Variants in EDIL3 observed in about 807,000 individuals in gnomAD.
The protein encoded by EDIL3 is EGF-like repeat and discoidin I-like domain-containing protein 3.
EDIL3 carries 37 observed loss-of-function variants against 67.4 expected under a neutral mutation model. That is an observed-to-expected ratio of 0.55 (90% confidence interval 0.42 to 0.72). The LOEUF (loss-of-function observed/expected upper bound fraction) is 0.72, where lower values mean the gene tolerates loss of function less well. EDIL3 is among the 30% of genes least tolerant of loss of function. The probability of loss-of-function intolerance (pLI) is 0.00; values close to 1 mark genes in which losing one functional copy is unlikely to be tolerated. For synonymous variants in EDIL3, 195 were observed against 196.3 expected (o/e 0.99, Z 0.05); for missense variants, 527 against 586.3 (o/e 0.90, Z 1.04).
chr5:84,301,891 T>C (rs889986611), intron 1 of EDIL3, among the ~76,000 whole-genome samples: 3 of 152,086 alleles, frequency 2.0e-5, no homozygotes, highest in African/African-American at 7.2e-5. Flanking sequence ...TTTTGCGTGA[T>C]TTTTTTTCCT....
intron 1 of EDIL3, among the ~76,000 whole-genome samples, chr5:84,256,483 C>G (rs993059333): frequency 6.6e-6 from 1 of 152,060 alleles, no homozygotes; most frequent in African/African-American, 2.4e-5. Context: ...ATATTCCAGG[C>G]AAAGGGAATA....
chr5:84,023,890 A>T (rs1282825021), intron 9 of EDIL3, among the ~76,000 whole-genome samples: 1 of 152,166 alleles, frequency 6.6e-6, no homozygotes, highest in East Asian at 1.9e-4. Flanking sequence ...AGTTCAAATG[A>T]CACAATAGCA....
chr5:84,327,441 T>A (rs1216957478), intron 1 of EDIL3, among the ~76,000 whole-genome samples: 1 of 152,006 alleles, frequency 6.6e-6, no homozygotes, highest in Non-Finnish European at 1.5e-5. Context: ...GACTCCATCT[T>A]TTTTGGTTTG....
chr5:84,212,038 T>C (rs1744130426), intron 3 of EDIL3, among the ~76,000 whole-genome samples: 1 of 152,180 alleles, frequency 6.6e-6, no homozygotes, highest in African/African-American at 2.4e-5. Flanking sequence ...CCTTCCTCTC[T>C]CTCTCTCCAC....
At chr5:83,960,453 G>A (rs1403900364) in intron 10 of EDIL3, among the ~76,000 whole-genome samples, 5 of 150,968 alleles carry the variant, frequency 3.3e-5, no homozygotes, top group Non-Finnish European at 7.4e-5. Context: ...ACGCTGATGT[G>A]ATCATTACAC....
intron 1 of EDIL3, among the ~76,000 whole-genome samples, chr5:84,331,180 T>G (rs1298799018): frequency 1.3e-5 from 2 of 152,242 alleles, no homozygotes; most frequent in Non-Finnish European, 2.9e-5. Flanking sequence ...GGAAGGGACT[T>G]GCCTTATCTC....
intron 6 of EDIL3, among the ~76,000 whole-genome samples, chr5:84,093,032 T>C (rs1191322951): frequency 2.6e-5 from 4 of 152,168 alleles, no homozygotes; most frequent in Non-Finnish European, 5.9e-5. Context: ...CCCGTATAAA[T>C]ATAAATGCAC....
At chr5:84,160,428 A>G in intron 4 of EDIL3, among the ~76,000 whole-genome samples, 1 of 152,174 alleles carries the variant, frequency 6.6e-6, no homozygotes, top group East Asian at 1.9e-4. Context: ...TATAACTCCT[A>G]GAGAATAATG....
intron 1 of EDIL3, among the ~76,000 whole-genome samples, chr5:84,308,829 C>A (rs1746324230): frequency 6.6e-6 from 1 of 152,008 alleles, no homozygotes; most frequent in Non-Finnish European, 1.5e-5. Flanking sequence ...AAATATGTTT[C>A]TTTTTACAGC....
chr5:84,165,206 A>G (rs980809667), intron 4 of EDIL3, among the ~76,000 whole-genome samples: 9 of 152,132 alleles, frequency 5.9e-5, no homozygotes, highest in African/African-American at 2.2e-4. Context: ...GGTCCTTAGG[A>G]ACTTTATAAT....
At chr5:84,373,999 G>A (rs1747912634) in intron 1 of EDIL3, among the ~76,000 whole-genome samples, 1 of 152,086 alleles carries the variant, frequency 6.6e-6, no homozygotes, top group Non-Finnish European at 1.5e-5. Context: ...GTTTTTAAGG[G>A]GACGAATGAT....
At chr5:84,011,627 T>C (rs1398054622) in intron 9 of EDIL3, among the ~76,000 whole-genome samples, 1 of 152,164 alleles carries the variant, frequency 6.6e-6, no homozygotes, top group Non-Finnish European at 1.5e-5. Context: ...ATGGTCTGGG[T>C]CCTGCATACC....
chr5:84,222,617 A>C (rs2112401729), intron 3 of EDIL3, among the ~76,000 whole-genome samples: 1 of 152,036 alleles, frequency 6.6e-6, no homozygotes, highest in South Asian at 2.1e-4. Flanking sequence ...TATGAAGAAC[A>C]GTATGGCTTT....
Position 84,136,709 on chromosome 5 carries a change from G to A in EDIL3, c.469+532C>T, listed in dbSNP as rs147147190. On this transcript the variant is annotated intron_variant, in intron 5 of 10. Coordinates refer to ENST00000296591, the MANE Select transcript of EDIL3 (RefSeq NM_005711.5). Reference sequence around the variant, plus strand: ...AACTGATTTATTTTATTTTTATTTCGTTTCTTTTAGAGATGGGTTCTCACT... The same window carrying A: ...AACTGATTTATTTTATTTTTATTTCATTTCTTTTAGAGATGGGTTCTCACT... Among the ~76,000 whole-genome samples the A allele has an allele frequency of 6.0e-3, 908 of 151,710 alleles. 4 individuals are homozygous for A. The highest frequency in any genetic ancestry group is 0.021 in the African/African-American group (858 of 41,348).
At chr5:84,313,756 C>A (rs1303058188) in intron 1 of EDIL3, among the ~76,000 whole-genome samples, 1 of 152,142 alleles carries the variant, frequency 6.6e-6, no homozygotes, top group Admixed American at 6.5e-5. Flanking sequence ...GTGGGTAGGA[C>A]CCCAGGCACC....
intron 9 of EDIL3, among the ~76,000 whole-genome samples, chr5:84,056,675 A>T (rs373398513): frequency 3.4e-4 from 51 of 152,086 alleles, no homozygotes; most frequent in African/African-American, 1.2e-3. Flanking sequence ...TCACATTTTT[A>T]GCTGGTATAT....
chr5:84,019,484 G>A (rs946906446), intron 9 of EDIL3, among the ~76,000 whole-genome samples: 3 of 151,940 alleles, frequency 2.0e-5, no homozygotes, highest in African/African-American at 7.3e-5. Flanking sequence ...CATGGCACAT[G>A]TATACATATG....
chr5:84,355,274 C>T (rs112709368), intron 1 of EDIL3, among the ~76,000 whole-genome samples: 12 of 151,858 alleles, frequency 7.9e-5, no homozygotes, highest in South Asian at 2.1e-4. Flanking sequence ...TTGATTAATT[C>T]GGCTATTGGT....
At chr5:84,130,190 C>A (rs955834998) in intron 5 of EDIL3, among the ~76,000 whole-genome samples, 2 of 152,106 alleles carry the variant, frequency 1.3e-5, no homozygotes, top group East Asian at 3.9e-4. Flanking sequence ...GTCATAGGCT[C>A]CCTCTTTTTT....
Sources: gnomAD v4.1 joint callset for allele counts (sites outside exome capture counted in the v4.1 genomes callset) on GRCh38, gnomAD v4.1.1 for gene constraint, MANE v1.5 for transcripts, NCBI Gene and HGNC (gene_info 2026-07-23, HGNC 2026-07-21) for gene names.